DCC: variants seen among roughly 807,000 people sequenced by gnomAD.
DCC encodes the protein DCC netrin 1 receptor.
Under a neutral mutation model 172.5 loss-of-function variants are expected in DCC, and 58 were observed. The observed-to-expected ratio is 0.34, with a 90% CI of 0.27 to 0.42. The LOEUF is 0.42. DCC is among the 10% of genes least tolerant of loss of function. The probability of loss-of-function intolerance (pLI) is 1.00; values close to 1 mark genes in which losing one functional copy is unlikely to be tolerated. For missense variants in DCC, 1,740 were observed against 1,791.0 expected (o/e 0.97, Z 0.51); for synonymous variants, 709 against 644.5 (o/e 1.10, Z -1.52).
intron 2 of DCC, among the ~76,000 whole-genome samples, chr18:52,895,353 G>C (rs1420642269): frequency 7.2e-5 from 11 of 152,078 alleles, no homozygotes; most frequent in Admixed American, 7.2e-4. Flanking sequence ...ACCAATCTCA[G>C]GTTTTTGTAT....
At chr18:53,086,006 C>A (rs146204967) in intron 7 of DCC, among the ~76,000 whole-genome samples, 3 of 19,286 alleles carry the variant, frequency 1.6e-4, no homozygotes, top group South Asian at 1.4e-3. Context: ...TCCTTCTTCT[C>A]CTTCTCCTTC....
At chr18:52,676,901 G>T (rs1039600275) in intron 1 of DCC, among the ~76,000 whole-genome samples, 1 of 152,106 alleles carries the variant, frequency 6.6e-6, no homozygotes, top group African/African-American at 2.4e-5. Flanking sequence ...TCACTTGGGG[G>T]TTATAAATTT....
chr18:53,474,692 T>A (rs2045740211), intron 25 of DCC, among the ~76,000 whole-genome samples: 1 of 152,220 alleles, frequency 6.6e-6, no homozygotes, highest in Admixed American at 6.5e-5. Context: ...ACGTCTTTTG[T>A]AAATTGCTCA....
chr18:52,347,956 T>C (rs575864073), intron 1 of DCC, among the ~76,000 whole-genome samples: 1 of 152,156 alleles, frequency 6.6e-6, no homozygotes, highest in African/African-American at 2.4e-5. Flanking sequence ...CAAATACCCA[T>C]GTACCCACTA....
chr18:52,818,088 A>G (rs948843659), intron 2 of DCC: 8 of 152,210 alleles, frequency 5.3e-5, no homozygotes, highest in African/African-American at 1.9e-4. Flanking sequence ...TTATGCCTAC[A>G]GAAAAGAAGC....
intron 1 of DCC, among the ~76,000 whole-genome samples, chr18:52,474,694 A>C (rs1021786730): frequency 3.9e-5 from 6 of 152,174 alleles, no homozygotes; most frequent in African/African-American, 1.4e-4. Flanking sequence ...GGTCTAGAAA[A>C]GTAAAGTAAA....
rs555477880 is a variant in DCC, at chr18:52,955,820, T to C, written c.985+30450T>C. Among the ~76,000 whole-genome samples, 229 of 152,270 alleles carry C rather than the reference T, an allele frequency of 1.5e-3. 1 individual carries two copies. The highest frequency in any genetic ancestry group is 5.1e-3 in the African/African-American group (212 of 41,580). ...AACATAACATATGATACTGAATGCA[T>C]GTTATTAATGTATACTTGCTTGCCA... On this transcript the variant is annotated intron_variant, in intron 5 of 28. Transcript: ENST00000442544.
intron 2 of DCC, among the ~76,000 whole-genome samples, chr18:52,759,320 A>G (rs2037123466): frequency 6.6e-6 from 1 of 152,208 alleles, no homozygotes; most frequent in South Asian, 2.1e-4. Flanking sequence ...AAATATGCAG[A>G]GTGAAAAGAC....
intron 21 of DCC, among the ~76,000 whole-genome samples, chr18:53,429,015 A>T (rs1426648512): frequency 4.0e-5 from 2 of 49,958 alleles, no homozygotes; most frequent in East Asian, 8.8e-4. Context: ...TATATATTTT[A>T]TATATTTTTT....
chr18:52,510,653 G>C (rs1234059186), intron 1 of DCC, among the ~76,000 whole-genome samples: 1 of 152,056 alleles, frequency 6.6e-6, no homozygotes, highest in African/African-American at 2.4e-5. Context: ...CTCTAATTAA[G>C]TCAGCTAATA....
At chr18:52,409,612 G>C (rs1379484300) in intron 1 of DCC, among the ~76,000 whole-genome samples, 1 of 152,122 alleles carries the variant, frequency 6.6e-6, no homozygotes, top group African/African-American at 2.4e-5. Context: ...ATCCATTAGA[G>C]ATTGAACAGT....
At chr18:52,596,809 C>T (rs2033918357) in intron 1 of DCC, among the ~76,000 whole-genome samples, 1 of 152,208 alleles carries the variant, frequency 6.6e-6, no homozygotes, top group Non-Finnish European at 1.5e-5. Flanking sequence ...CCAAATCCTT[C>T]CTACATGGCC....
At chr18:52,718,771 G>A (rs2145070771) in intron 1 of DCC, among the ~76,000 whole-genome samples, 2 of 152,246 alleles carry the variant, frequency 1.3e-5, no homozygotes, top group South Asian at 4.2e-4. Flanking sequence ...TATAGACAAT[G>A]TTTATTAAAT....
chr18:53,393,717 G>A (rs1568103400), intron 17 of DCC, among the ~76,000 whole-genome samples: 1 of 152,200 alleles, frequency 6.6e-6, no homozygotes, highest in Non-Finnish European at 1.5e-5. Flanking sequence ...TCTTCAGAAT[G>A]GTTTGAGTTC....
At chr18:52,756,274 G>A (rs971105434) in intron 2 of DCC, among the ~76,000 whole-genome samples, 1 of 152,176 alleles carries the variant, frequency 6.6e-6, no homozygotes, top group Non-Finnish European at 1.5e-5. Context: ...TATCTATGAA[G>A]CTTTCCTACC....
At chr18:53,521,215 C>T (rs1287855620) in intron 27 of DCC, among the ~76,000 whole-genome samples, 1 of 152,126 alleles carries the variant, frequency 6.6e-6, no homozygotes, top group Non-Finnish European at 1.5e-5. Flanking sequence ...CTCACCATGT[C>T]TTGTACATTT....
rs574650179 is a variant in DCC at position 52,544,295 on chromosome 18, A to C, written c.91+203417A>C. On this transcript the variant is annotated intron_variant, in intron 1 of 28. Coordinates refer to ENST00000442544, the MANE Select transcript of DCC (RefSeq NM_005215.4). ...CTCTTCCCGACATTTTCACCTTGTC[A>C]TGCTGGGGGAAGAGTACCTGGTGAT... Among the ~76,000 whole-genome samples the C allele has an allele frequency of 6.4e-4, 97 of 152,298 alleles. 1 individual carries two copies. Among genetic ancestry groups the C allele is most frequent in the Non-Finnish European group, 1.3e-3 (87 of 68,010 alleles).
chr18:52,983,036 T>C (rs2041235822), intron 5 of DCC, among the ~76,000 whole-genome samples: 1 of 152,200 alleles, frequency 6.6e-6, no homozygotes, highest in Non-Finnish European at 1.5e-5. Flanking sequence ...TTCTATCTTG[T>C]TAGTAACTCC....
At chr18:52,444,386 C>G (rs1429592947) in intron 1 of DCC, among the ~76,000 whole-genome samples, 1 of 152,174 alleles carries the variant, frequency 6.6e-6, no homozygotes, top group Non-Finnish European at 1.5e-5. Context: ...TTAAAATCAG[C>G]TGAATTTATT....
Sources: allele counts gnomAD v4.1 joint callset (sites outside exome capture counted in the v4.1 genomes callset), GRCh38; gene constraint gnomAD v4.1.1; transcripts MANE v1.5; gene names NCBI Gene and HGNC (gene_info 2026-07-23, HGNC 2026-07-21).